EPB41L4A: variants seen among roughly 807,000 people sequenced by gnomAD.
EPB41L4A encodes band 4.1-like protein 4A.
EPB41L4A carries 100 observed loss-of-function variants against 108.6 expected under a neutral mutation model. That is an observed-to-expected ratio of 0.92 (90% CI 0.78 to 1.09). The LOEUF is 1.09. Ranked by LOEUF, EPB41L4A falls within the 50% of genes least tolerant of loss-of-function variation. The pLI, the probability that EPB41L4A is intolerant of heterozygous loss-of-function variation, is 0.00. For missense variants in EPB41L4A, 1,030 were observed against 842.7 expected (o/e 1.22, Z -2.75); for synonymous variants, 319 against 289.0 (o/e 1.10, Z -1.05).
At chr5:112,186,685 A>T (rs1561459054) in intron 17 of EPB41L4A, among the ~76,000 whole-genome samples, 1 of 152,196 alleles carries the variant, frequency 6.6e-6, no homozygotes, top group East Asian at 1.9e-4. Context: ...TTCCTGAGTA[A>T]TGGGTAGTGT....
chr5:112,358,646 C>T (rs1192470183), intron 1 of EPB41L4A, among the ~76,000 whole-genome samples: 2 of 152,300 alleles, frequency 1.3e-5, no homozygotes, highest in Non-Finnish European at 2.9e-5. Flanking sequence ...AAATAGCTGT[C>T]AGTACCTTCT....
intron 1 of EPB41L4A, among the ~76,000 whole-genome samples, chr5:112,374,070 T>C (rs1454430484): frequency 6.6e-6 from 1 of 152,214 alleles, no homozygotes; most frequent in Non-Finnish European, 1.5e-5. Flanking sequence ...CTGTGAGAAC[T>C]TCCCACAAAG....
chr5:112,391,920 T>C (rs1760971450), intron 1 of EPB41L4A, among the ~76,000 whole-genome samples: 1 of 152,152 alleles, frequency 6.6e-6, no homozygotes, highest in South Asian at 2.1e-4. Flanking sequence ...GGGCCAGTAT[T>C]CAACATTCTT....
chr5:112,204,788 A>G (rs1311638261), intron 14 of EPB41L4A: 2 of 253,126 alleles, frequency 7.9e-6, no homozygotes, highest in South Asian at 7.5e-5. Flanking sequence ...AGCCCTTTCT[A>G]AACACTGACT....
At chr5:112,347,193 C>A (rs1018004428) in intron 1 of EPB41L4A, among the ~76,000 whole-genome samples, 2 of 152,210 alleles carry the variant, frequency 1.3e-5, no homozygotes, top group African/African-American at 4.8e-5. Flanking sequence ...CACACACATG[C>A]ACACACATGC....
intron 16 of EPB41L4A, among the ~76,000 whole-genome samples, chr5:112,195,443 T>A (rs556039084): frequency 9.5e-4 from 144 of 151,238 alleles, no homozygotes; most frequent in Non-Finnish European, 1.5e-3. Context: ...TGGCAACAGA[T>A]AAATAAGACA....
At chr5:112,362,685 G>C (rs181400577) in intron 1 of EPB41L4A, among the ~76,000 whole-genome samples, 1,816 of 152,236 alleles carry the variant, frequency 0.012, 28 homozygotes, top group South Asian at 0.038. Flanking sequence ...TAAACCTTGA[G>C]GAACAACAGA....
At chr5:112,382,623 G>A (rs1012115982) in intron 1 of EPB41L4A, among the ~76,000 whole-genome samples, 1 of 152,176 alleles carries the variant, frequency 6.6e-6, no homozygotes, top group East Asian at 1.9e-4. Context: ...CCTTCTGATT[G>A]TTTTGGTCTT....
chr5:112,185,839 C>T (rs4635973), intron 17 of EPB41L4A, among the ~76,000 whole-genome samples: 9 of 152,046 alleles, frequency 5.9e-5, no homozygotes, highest in South Asian at 2.1e-4. Flanking sequence ...TGTTGGTACC[C>T]GTGTGTGCTG....
chr5:112,163,382 TCTAAA>T lies in EPB41L4A; in HGVS notation c.*1603_*1607del, dbSNP rs1286824497. ...TTTGCAGTAGCACATTACTCAGTAG[TCTAAA>T]CTACAGAAATAAACCTTAAGGCCAT... On this transcript the variant is annotated 3_prime_UTR_variant, in exon 23 of 23. Coordinates refer to ENST00000261486, the MANE Select transcript of EPB41L4A (RefSeq NM_022140.5). The T allele has an allele frequency of 2.0e-5, 3 of 152,154 alleles. No individual in the cohort carries two copies. The highest frequency in any genetic ancestry group is 7.2e-5 in the African/African-American group (3 of 41,424). The allele number at this position is 152,154 out of a possible 1,614,324, so 9.4% of individuals were successfully genotyped here. A position where few individuals can be genotyped will look rare whatever the true frequency, so the allele number is the denominator to read the frequency against.
rs567563714 is a variant in EPB41L4A at position 112,339,062 on chromosome 5, G to C, written c.100-31572C>G. ...GGAGAATGAAGGGAGAAGAGCATAT[G>C]AATGCAAGAGATACTGGAGGGAAAA... On this transcript the variant is annotated intron_variant, in intron 1 of 22. Coordinates refer to ENST00000261486, the MANE Select transcript of EPB41L4A (RefSeq NM_022140.5). Among the ~76,000 whole-genome samples, 15 of 152,234 alleles carry C rather than the reference G, an allele frequency of 9.9e-5. No homozygotes were observed. The East Asian group carries it at 2.7e-3, about 27-fold the overall frequency.
chr5:112,223,489 C>T (rs895926810), intron 12 of EPB41L4A, among the ~76,000 whole-genome samples: 19 of 152,138 alleles, frequency 1.2e-4, no homozygotes, highest in African/African-American at 4.6e-4. Context: ...TCCTCAGATG[C>T]CATCTACTCA....
chr5:112,370,834 G>A (rs2112541984), intron 1 of EPB41L4A, among the ~76,000 whole-genome samples: 1 of 152,332 alleles, frequency 6.6e-6, no homozygotes, highest in East Asian at 1.9e-4. Flanking sequence ...AGCTACTCAG[G>A]AGGCTGAGGC....
intron 1 of EPB41L4A, among the ~76,000 whole-genome samples, chr5:112,412,881 A>T (rs1580861795): frequency 2.0e-5 from 3 of 152,216 alleles, no homozygotes. Flanking sequence ...TGAAAAATAT[A>T]ATTTTTTCAT....
At chr5:112,249,812 T>C (rs1299357594) in intron 9 of EPB41L4A, among the ~76,000 whole-genome samples, 2 of 152,152 alleles carry the variant, frequency 1.3e-5, no homozygotes, top group African/African-American at 4.8e-5. Flanking sequence ...GGTTCTTTGC[T>C]CAGATAAGTA....
intron 1 of EPB41L4A, among the ~76,000 whole-genome samples, chr5:112,379,581 A>G (rs1419456466): frequency 6.6e-6 from 1 of 152,182 alleles, no homozygotes. Context: ...AGAAAACACT[A>G]AAATGCTTAC....
upstream of EPB41L4A, chr5:112,419,819 A>C: frequency 2.2e-6 from 1 of 456,756 alleles, no homozygotes; most frequent in East Asian, 7.0e-5. Flanking sequence ...GGGACTCCCG[A>C]GCTCATTACG....
chr5:112,168,338 G>C (rs1223954808), intron 22 of EPB41L4A, among the ~76,000 whole-genome samples: 1 of 152,164 alleles, frequency 6.6e-6, no homozygotes, highest in East Asian at 1.9e-4. Flanking sequence ...AATAAAACAG[G>C]ACTTAAGTAA....
At chr5:112,295,392 G>C (rs951730395) in intron 2 of EPB41L4A, among the ~76,000 whole-genome samples, 4 of 152,302 alleles carry the variant, frequency 2.6e-5, no homozygotes, top group African/African-American at 7.2e-5. Context: ...GGTAAACATA[G>C]TTTTAAGAAC....
Sources: gnomAD v4.1 joint callset for allele counts (sites outside exome capture counted in the v4.1 genomes callset) on GRCh38, gnomAD v4.1.1 for gene constraint, MANE v1.5 for transcripts, NCBI Gene and HGNC (gene_info 2026-07-23, HGNC 2026-07-21) for gene names.